LRMDA: variants seen among roughly 807,000 people sequenced by gnomAD.
The protein encoded by LRMDA is leucine-rich melanocyte differentiation-associated protein.
Under a neutral mutation model 29.8 loss-of-function variants are expected in LRMDA, and 18 were observed. The ratio of observed to expected loss-of-function variants is 0.60; its 90% CI spans 0.42 to 0.90. The LOEUF (loss-of-function observed/expected upper bound fraction) is 0.90. LRMDA is among the 40% of genes least tolerant of loss of function. LRMDA has a pLI of 0.00. For missense variants in LRMDA, 273 were observed against 273.9 expected (o/e 1.00, Z 0.02); for synonymous variants, 125 against 109.4 (o/e 1.14, Z -0.89).
intron 2 of LRMDA, among the ~76,000 whole-genome samples, chr10:76,031,716 A>C (rs11001594): frequency 0.12 from 17,534 of 152,154 alleles, 1,622 homozygotes; most frequent in African/African-American, 0.24. Context: ...CCATGGCCAC[A>C]CCATTTTCTC....
chr10:75,936,822 T>C (rs1445116095), intron 2 of LRMDA, among the ~76,000 whole-genome samples: 1 of 152,228 alleles, frequency 6.6e-6, no homozygotes, highest in Non-Finnish European at 1.5e-5. Context: ...TCCTACACCC[T>C]AACACCATCA....
chr10:76,258,061 T>C (rs959269951), intron 5 of LRMDA, among the ~76,000 whole-genome samples: 2 of 152,248 alleles, frequency 1.3e-5, no homozygotes, highest in African/African-American at 4.8e-5. Flanking sequence ...ACTTGTTACA[T>C]GGCCAAGTCC....
intron 2 of LRMDA, among the ~76,000 whole-genome samples, chr10:75,697,701 A>G (rs997032894): frequency 1.3e-5 from 2 of 152,186 alleles, no homozygotes; most frequent in African/African-American, 2.4e-5. Context: ...TCTATGACTT[A>G]TCAGCTCTAA....
chr10:75,739,299 G>C (rs552326101), intron 2 of LRMDA, among the ~76,000 whole-genome samples: 2 of 152,324 alleles, frequency 1.3e-5, no homozygotes, highest in South Asian at 4.1e-4. Context: ...CAGGCCCAGA[G>C]ATTGGCCTTG....
chr10:75,784,785 A>G (rs1476165885), intron 2 of LRMDA, among the ~76,000 whole-genome samples: 1 of 152,086 alleles, frequency 6.6e-6, no homozygotes, highest in African/African-American at 2.4e-5. Flanking sequence ...ACATATTTAG[A>G]TATAGAAATG....
At chr10:76,244,582 A>G (rs1852339040) in intron 5 of LRMDA, among the ~76,000 whole-genome samples, 1 of 152,326 alleles carries the variant, frequency 6.6e-6, no homozygotes, top group African/African-American at 2.4e-5. Context: ...TTGTAGCTGC[A>G]GTGTGGCTGG....
intron 2 of LRMDA, among the ~76,000 whole-genome samples, chr10:75,876,744 G>A (rs2132338310): frequency 6.6e-6 from 1 of 152,298 alleles, no homozygotes; most frequent in South Asian, 2.1e-4. Context: ...TTTTCTATGA[G>A]ACTTTCCCAG....
chr10:76,167,385 T>A (rs1477978012), intron 5 of LRMDA, among the ~76,000 whole-genome samples: 1 of 152,058 alleles, frequency 6.6e-6, no homozygotes, highest in African/African-American at 2.4e-5. Flanking sequence ...TCTTTGCCTG[T>A]TCCTATGTGC....
At chr10:75,750,965 G>A (rs1425908538) in intron 2 of LRMDA, among the ~76,000 whole-genome samples, 1 of 152,210 alleles carries the variant, frequency 6.6e-6, no homozygotes, top group Non-Finnish European at 1.5e-5. Flanking sequence ...CAAGGCAGGC[G>A]GCTGGGAGGT....
At chr10:76,309,975 G>A (rs572019948) in intron 5 of LRMDA, among the ~76,000 whole-genome samples, 1 of 152,312 alleles carries the variant, frequency 6.6e-6, no homozygotes, top group South Asian at 2.1e-4. Flanking sequence ...ATACACCACA[G>A]TACCCTTAAA....
intron 2 of LRMDA, among the ~76,000 whole-genome samples, chr10:75,753,202 T>A (rs527440211): frequency 3.3e-5 from 5 of 152,330 alleles, no homozygotes; most frequent in African/African-American, 1.2e-4. Flanking sequence ...ATTCTGCAGA[T>A]ATTTGTTGAA....
intron 2 of LRMDA, among the ~76,000 whole-genome samples, chr10:75,778,274 C>T (rs1309843084): frequency 6.6e-6 from 1 of 152,092 alleles, no homozygotes; most frequent in African/African-American, 2.4e-5. Context: ...GACGGGGTTC[C>T]ACCATGTTGG....
At chr10:75,664,906 A>G (rs2132137832) in intron 2 of LRMDA, among the ~76,000 whole-genome samples, 2 of 152,294 alleles carry the variant, frequency 1.3e-5, no homozygotes, top group East Asian at 3.9e-4. Flanking sequence ...AAGAGAAAGT[A>G]AGGAAATGGA....
intron 6 of LRMDA, among the ~76,000 whole-genome samples, chr10:76,376,307 C>T (rs916624066): frequency 3.3e-5 from 5 of 152,080 alleles, no homozygotes; most frequent in Non-Finnish European, 5.9e-5. Flanking sequence ...ACCCGTGTTG[C>T]TGCAGAAAAC....
In LRMDA at chr10:76,132,969, T is replaced by C. The variant is rs1310645757; in HGVS notation, c.516+74186T>C. 5.3e-3 allele frequency among the ~76,000 whole-genome samples: 623 copies of C among 117,822 alleles called. 19 individuals are homozygous for C. Among genetic ancestry groups the C allele is most frequent in the African/African-American group, 0.023 (544 of 24,132 alleles). The allele number at this position is 117,822 out of a possible 152,430, so 77.3% of individuals were successfully genotyped here. ...AGGCATCCACCACCACGCCCGGCTT[T>C]TTTTTTTTTTTTTTTTTTTTTTTTT... On this transcript the variant is annotated intron_variant, in intron 5 of 6. Coordinates refer to ENST00000611255, the MANE Select transcript of LRMDA (RefSeq NM_001305581.2).
chr10:75,835,974 A>G (rs1240833288), intron 2 of LRMDA, among the ~76,000 whole-genome samples: 2 of 152,208 alleles, frequency 1.3e-5, no homozygotes, highest in Non-Finnish European at 2.9e-5. Flanking sequence ...GATGCTCATC[A>G]AACTCAATGG....
intron 2 of LRMDA, among the ~76,000 whole-genome samples, chr10:75,748,923 A>T (rs1443945504): frequency 6.6e-6 from 1 of 152,180 alleles, no homozygotes; most frequent in African/African-American, 2.4e-5. Context: ...GTATCTATAC[A>T]CACATACAGA....
intron 5 of LRMDA, among the ~76,000 whole-genome samples, chr10:76,116,541 T>G (rs1326887743): frequency 3.3e-5 from 5 of 152,138 alleles, no homozygotes; most frequent in African/African-American, 1.2e-4. Flanking sequence ...TTTCATTAGA[T>G]GTGAGTTTCC....
chr10:75,685,946 T>C (rs928973260), intron 2 of LRMDA, among the ~76,000 whole-genome samples: 2 of 152,238 alleles, frequency 1.3e-5, no homozygotes, highest in Non-Finnish European at 2.9e-5. Flanking sequence ...ATTTAATCAT[T>C]ATACCAGATA....
Sources: allele counts gnomAD v4.1 joint callset (sites outside exome capture counted in the v4.1 genomes callset), GRCh38; gene constraint gnomAD v4.1.1; transcripts MANE v1.5; gene names NCBI Gene and HGNC (gene_info 2026-07-23, HGNC 2026-07-21).